PCDH15: variants seen among roughly 807,000 people sequenced by gnomAD.
The protein encoded by PCDH15 is protocadherin-15.
In PCDH15, 129 loss-of-function variants were observed where a neutral mutation model predicts 178.5. The ratio of observed to expected loss-of-function variants is 0.72; its 90% CI spans 0.63 to 0.84. The LOEUF (loss-of-function observed/expected upper bound fraction) is 0.84. PCDH15 is among the 40% of genes least tolerant of loss of function. The pLI is 0.00. For synonymous variants in PCDH15, 800 were observed against 732.0 expected, an observed-to-expected ratio of 1.09 and a Z score of -1.50; for missense variants, 2,230 against 2,099.9, an observed-to-expected ratio of 1.06 and a Z score of -1.21.
rs10082529 is a variant in PCDH15 at position 54,183,130 on chromosome 10, C to T, written c.1590+314G>A. On this transcript the variant is annotated intron_variant, in intron 13 of 37. Transcript: ENST00000644397. ...CTGAGTAGCTGGGATTACAGGCATG[C>T]GCCACCATACCCGGCTAATTTTGTA... Among the ~76,000 whole-genome samples the T allele has an allele frequency of 0.15, 23,077 of 151,846 alleles. 4,215 individuals are homozygous for T. The highest frequency in any genetic ancestry group is 0.44 in the African/African-American group (18,130 of 41,288).
chr10:54,051,411 T>G (rs775449283), intron 18 of PCDH15, among the ~76,000 whole-genome samples: 1 of 152,088 alleles, frequency 6.6e-6, no homozygotes, highest in Non-Finnish European at 1.5e-5. Context: ...TGGTAGTGAT[T>G]TGTACAATGA....
chr10:55,044,023 G>A (rs1021538638), intron 2 of PCDH15, among the ~76,000 whole-genome samples: 1 of 152,100 alleles, frequency 6.6e-6, no homozygotes, highest in African/African-American at 2.4e-5. Flanking sequence ...ATTGCTTGTG[G>A]ACAGCCACTA....
Position 54,197,565 on chromosome 10 carries a change from TG to T in PCDH15, c.1099-1677del, listed in dbSNP as rs1167547010. Among the ~76,000 whole-genome samples the T allele has an allele frequency of 2.0e-5, 3 of 152,278 alleles. No individual in the cohort carries two copies. The East Asian group carries it at 5.8e-4, about 29-fold the overall frequency. On this transcript the variant is annotated intron_variant, in intron 10 of 37. Coordinates refer to ENST00000644397, the MANE Select transcript of PCDH15 (RefSeq NM_001384140.1). Reference sequence around the variant, plus strand: ...AAATAAAATATTTGATATTAAACTCTGGTGTGATTTTCTAGATAGATAGTGA... The same window carrying T: ...AAATAAAATATTTGATATTAAACTCTGTGTGATTTTCTAGATAGATAGTGA...
At chr10:55,545,112 C>G (rs1278776188) in intron 2 of PCDH15, among the ~76,000 whole-genome samples, 1 of 152,026 alleles carries the variant, frequency 6.6e-6, no homozygotes, top group Non-Finnish European at 1.5e-5. Context: ...CAAAAGGGGT[C>G]CAAGGAATCA....
chr10:53,870,717 T>G (rs2079777614), intron 26 of PCDH15, among the ~76,000 whole-genome samples: 1 of 152,138 alleles, frequency 6.6e-6, no homozygotes, highest in African/African-American at 2.4e-5. Flanking sequence ...ATCCGAAACC[T>G]CTCCTCTAAG....
intron 2 of PCDH15, among the ~76,000 whole-genome samples, chr10:54,646,813 T>C (rs999784028): frequency 6.6e-6 from 1 of 152,006 alleles, no homozygotes; most frequent in Admixed American, 6.6e-5. Context: ...AGGATGACCA[T>C]TATAAAAAAC....
At chr10:54,062,245 A>AC (rs1252894162) in intron 18 of PCDH15, among the ~76,000 whole-genome samples, 79 of 143,984 alleles carry the variant, frequency 5.5e-4, no homozygotes, top group African/African-American at 2.0e-3. Flanking sequence ...AAAAAAAAAA[A>AC]AAAAAAACAA....
intron 21 of PCDH15, among the ~76,000 whole-genome samples, chr10:53,963,142 T>C (rs1433044806): frequency 2.0e-5 from 3 of 152,208 alleles, no homozygotes; most frequent in African/African-American, 2.4e-5. Context: ...CATTGCTTTT[T>C]ATATTTCCAT....
intron 2 of PCDH15, among the ~76,000 whole-genome samples, chr10:55,544,761 C>T (rs1423986849): frequency 1.3e-5 from 2 of 152,220 alleles, no homozygotes; most frequent in South Asian, 2.1e-4. Flanking sequence ...AATACACAGG[C>T]ATGTGTGTGC....
At chr10:55,406,009 A>G (rs1313410685) in intron 2 of PCDH15, among the ~76,000 whole-genome samples, 3 of 151,612 alleles carry the variant, frequency 2.0e-5, no homozygotes, top group African/African-American at 7.3e-5. Context: ...CAAAGATTTG[A>G]AGGAAGTGAT....
chr10:53,876,213 C>CAG (rs10644358), intron 26 of PCDH15, among the ~76,000 whole-genome samples: 94,366 of 148,024 alleles, frequency 0.64, 30,705 homozygotes, highest in Middle Eastern at 0.78. Flanking sequence ...TTTTTTGACA[C>CAG]AGTCTTGCTC....
At chr10:53,828,479 T>G in intron 31 of PCDH15, 86 bp downstream of exon 31, 1 of 1,152,510 alleles carries the variant, frequency 8.7e-7, no homozygotes. Flanking sequence ...GATGTGGTTC[T>G]GAGCAGGCTG....
intron 14 of PCDH15, among the ~76,000 whole-genome samples, chr10:54,143,804 A>G (rs1456908442): frequency 6.6e-6 from 1 of 151,988 alleles, no homozygotes; most frequent in East Asian, 1.9e-4. Context: ...TTCTCTGCCT[A>G]TTTTCTCCGG....
At position 55,445,724 on chromosome 10, in the gene PCDH15, C is replaced by A. The variant is rs182531971; in HGVS notation, c.-156+181901G>T. Reference sequence around the variant, plus strand: ...AATGTTAAAAACACCAAAAAAAATCCAAGAGCTTCACAAATGTAAGCATCA... The same window carrying A: ...AATGTTAAAAACACCAAAAAAAATCAAAGAGCTTCACAAATGTAAGCATCA... On this transcript the variant is annotated intron_variant, in intron 2 of 5. Transcript: ENST00000613346. 2.3e-3 allele frequency among the ~76,000 whole-genome samples: 353 copies of A among 152,130 alleles called. 2 individuals carry two copies. Among genetic ancestry groups the A allele is most frequent in the Non-Finnish European group, 4.0e-3 (275 of 67,970 alleles).
In PCDH15 at chr10:54,911,810, G is replaced by A. The variant is rs555902554; in HGVS notation, c.-79-14310C>T. ...GTCTCTCTTGCCACCTTGTTACGAT[G>A]TGCCTTGTTTCCCTTCACCTTCTGT... On this transcript the variant is annotated intron_variant, in intron 2 of 5. Coordinates refer to the PCDH15 transcript ENST00000458638. 3.9e-5 allele frequency among the ~76,000 whole-genome samples: 6 copies of A among 152,242 alleles called. No homozygotes were observed. The South Asian group carries it at 1.0e-3, about 26-fold the overall frequency.
At chr10:54,841,434 A>T (rs9633610) in intron 3 of PCDH15, among the ~76,000 whole-genome samples, 22,840 of 151,790 alleles carry the variant, frequency 0.15, 2,178 homozygotes, top group Non-Finnish European at 0.22. Context: ...GTTTATAGTG[A>T]TAAATGCTTA....
intron 11 of PCDH15, among the ~76,000 whole-genome samples, chr10:54,192,138 GAGAA>G (rs1554832274): frequency 3.4e-5 from 4 of 117,516 alleles, no homozygotes; most frequent in East Asian, 3.4e-4. Flanking sequence ...GAAAGAGAAA[GAGAA>G]AGAAAGAAAG....
intron 8 of PCDH15, among the ~76,000 whole-genome samples, chr10:54,274,178 C>T (rs1180383258): frequency 6.6e-6 from 1 of 151,896 alleles, no homozygotes; most frequent in Non-Finnish European, 1.5e-5. Flanking sequence ...AAAAAAATAA[C>T]TAATGGTTAC....
At chr10:54,460,866 A>C (rs1436575943) in intron 3 of PCDH15, among the ~76,000 whole-genome samples, 1 of 152,146 alleles carries the variant, frequency 6.6e-6, no homozygotes, top group South Asian at 2.1e-4. Context: ...TTAAATAGCC[A>C]ATGCTAATTA....
Sources: gnomAD v4.1 joint callset for allele counts (sites outside exome capture counted in the v4.1 genomes callset) on GRCh38, gnomAD v4.1.1 for gene constraint, MANE v1.5 for transcripts, NCBI Gene and HGNC (gene_info 2026-07-23, HGNC 2026-07-21) for gene names.